The following NRG3 variants were observed in gnomAD, a reference collection of about 807,000 sequenced individuals.
NRG3 encodes the protein neuregulin 3, also known as pro-neuregulin-3, membrane-bound isoform.
NRG3 carries 31 observed loss-of-function variants against 66.9 expected under a neutral mutation model. The observed-to-expected ratio is 0.46, with a 90% confidence interval of 0.35 to 0.63. The LOEUF (loss-of-function observed/expected upper bound fraction) is 0.63, where lower values mean the gene tolerates loss of function less well. Among genes scored for constraint, NRG3 ranks in the 20% least tolerant of loss-of-function variants. NRG3 has a pLI of 0.00. For synonymous variants in NRG3, 393 were observed against 359.4 expected (o/e 1.09, Z -1.06); for missense variants, 910 against 878.9 (o/e 1.04, Z -0.45).
chr10:82,637,734 G>T (rs1022782634), intron 2 of NRG3, among the ~76,000 whole-genome samples: 1 of 152,146 alleles, frequency 6.6e-6, no homozygotes, highest in African/African-American at 2.4e-5. Flanking sequence ...TGACAGCTAA[G>T]TACAATGCTT....
chr10:82,052,075 C>A (rs11192312), intron 1 of NRG3, among the ~76,000 whole-genome samples: 36,314 of 149,158 alleles, frequency 0.24, 4,519 homozygotes, highest in Middle Eastern at 0.34. Context: ...CATTTTCTGG[C>A]AATGTATGAC....
intron 1 of NRG3, among the ~76,000 whole-genome samples, chr10:82,325,984 C>T (rs2081854075): frequency 6.6e-6 from 1 of 152,220 alleles, no homozygotes; most frequent in Admixed American, 6.5e-5. Context: ...ATTTCCCATG[C>T]TCTGTATTTC....
chr10:82,750,769 A>C (rs2134933504), intron 3 of NRG3, among the ~76,000 whole-genome samples: 1 of 152,286 alleles, frequency 6.6e-6, no homozygotes, highest in East Asian at 1.9e-4. Flanking sequence ...GCCTTTTGAT[A>C]TGGGCCAACC....
intron 1 of NRG3, among the ~76,000 whole-genome samples, chr10:82,249,064 A>G (rs907801381): frequency 1.3e-5 from 2 of 152,198 alleles, no homozygotes; most frequent in East Asian, 3.9e-4. Context: ...GTAATCCTCT[A>G]TGATCAAGCA....
intron 1 of NRG3, among the ~76,000 whole-genome samples, chr10:82,262,951 T>G (rs529170527): frequency 1.3e-5 from 2 of 152,122 alleles, no homozygotes; most frequent in African/African-American, 4.8e-5. Context: ...CAATTGAAAG[T>G]TTATAGTTGA....
chr10:81,949,698 C>T (rs1354907852), intron 1 of NRG3, among the ~76,000 whole-genome samples: 1 of 151,966 alleles, frequency 6.6e-6, no homozygotes, highest in African/African-American at 2.4e-5. Flanking sequence ...ACATTTAGAC[C>T]TTGAGAAATT....
At chr10:82,146,464 A>AGT (rs144229711) in intron 1 of NRG3, among the ~76,000 whole-genome samples, 6,711 of 152,166 alleles carry the variant, frequency 0.044, 327 homozygotes, top group East Asian at 0.15. Context: ...TCATTCAAGA[A>AGT]GTGTGGACTG....
At chr10:82,699,441 C>T (rs898667726) in intron 2 of NRG3, among the ~76,000 whole-genome samples, 1 of 152,054 alleles carries the variant, frequency 6.6e-6, no homozygotes, top group Non-Finnish European at 1.5e-5. Flanking sequence ...TAGCTACAGG[C>T]AAAGATCATC....
chr10:82,539,565 T>C (rs560000631), intron 2 of NRG3, among the ~76,000 whole-genome samples: 4 of 152,300 alleles, frequency 2.6e-5, no homozygotes, highest in African/African-American at 9.6e-5. Flanking sequence ...TCTGTAATTA[T>C]TATGATTTTT....
rs141779921 is a variant in NRG3 at position 82,257,852 on chromosome 10, A to G, written c.824-100887A>G. ...CATATTTTCTTGCACTTTGCCCTGA[A>G]AAGCATAGTATTAATATGGAATGAA... On this transcript the variant is annotated intron_variant, in intron 1 of 8. Coordinates refer to ENST00000372141, the MANE Select transcript of NRG3 (RefSeq NM_001010848.4). Among the ~76,000 whole-genome samples, 1,204 of 152,338 alleles carry G rather than the reference A, an allele frequency of 7.9e-3. 5 individuals carry two copies. The highest frequency in any genetic ancestry group is 0.016 in the Admixed American group (243 of 15,296).
At chr10:82,402,573 T>G (rs924129422) in intron 2 of NRG3, among the ~76,000 whole-genome samples, 1 of 152,202 alleles carries the variant, frequency 6.6e-6, no homozygotes, top group African/African-American at 2.4e-5. Context: ...GAGAATTTTT[T>G]TACTCATTTA....
At position 82,596,015 on chromosome 10, in the gene NRG3, A is replaced by C. The variant is rs191160776; in HGVS notation, c.954-142562A>C. Reference sequence around the variant, plus strand: ...GGCATAGAAGGAAATGAAATATTTAATAAATAAACCTATGAGTGAATTGAT... The same window carrying C: ...GGCATAGAAGGAAATGAAATATTTACTAAATAAACCTATGAGTGAATTGAT... On this transcript the variant is annotated intron_variant, in intron 2 of 8. Transcript: ENST00000372141. Among the ~76,000 whole-genome samples, 685 of 152,354 alleles carry C rather than the reference A, an allele frequency of 4.5e-3. 3 individuals are homozygous for C. The highest frequency in any genetic ancestry group is 0.02 in the Middle Eastern group (6 of 294).
At chr10:82,500,595 A>G (rs1844079322) in intron 2 of NRG3, among the ~76,000 whole-genome samples, 1 of 152,066 alleles carries the variant, frequency 6.6e-6, no homozygotes, top group East Asian at 1.9e-4. Context: ...GATCTGCTAA[A>G]ATCCTTTCAG....
chr10:82,012,367 A>G (rs1029460587), intron 1 of NRG3, among the ~76,000 whole-genome samples: 7 of 152,122 alleles, frequency 4.6e-5, no homozygotes, highest in African/African-American at 1.7e-4. Context: ...TTTTCTGCCT[A>G]GGGCTCTAGG....
chr10:82,468,222 A>G (rs777524067), intron 2 of NRG3, among the ~76,000 whole-genome samples: 1 of 152,222 alleles, frequency 6.6e-6, no homozygotes, highest in Non-Finnish European at 1.5e-5. Flanking sequence ...CCTCCACCAC[A>G]TCACGCTGGA....
intron 3 of NRG3, among the ~76,000 whole-genome samples, chr10:82,839,598 T>C (rs1281514333): frequency 6.6e-6 from 1 of 151,632 alleles, no homozygotes; most frequent in East Asian, 1.9e-4. Context: ...AGTAATATTA[T>C]TGCTTTCATT....
chr10:82,838,511 T>C (rs1246380466), intron 3 of NRG3, among the ~76,000 whole-genome samples: 2 of 152,166 alleles, frequency 1.3e-5, no homozygotes, highest in East Asian at 3.9e-4. Context: ...GATGACAGTC[T>C]CATGCTCAAC....
At chr10:82,135,127 A>C (rs1268546928) in intron 1 of NRG3, among the ~76,000 whole-genome samples, 2 of 151,980 alleles carry the variant, frequency 1.3e-5, no homozygotes, top group African/African-American at 4.8e-5. Context: ...CTCTCAAAAA[A>C]AAAAAAAAAA....
intron 4 of NRG3, among the ~76,000 whole-genome samples, chr10:82,902,486 G>A (rs1345355083): frequency 6.6e-6 from 1 of 151,940 alleles, no homozygotes; most frequent in Non-Finnish European, 1.5e-5. Flanking sequence ...GGGCCACGTG[G>A]TCTTAGCCAT....
Sources: gnomAD v4.1 joint callset for allele counts (sites outside exome capture counted in the v4.1 genomes callset) on GRCh38, gnomAD v4.1.1 for gene constraint, MANE v1.5 for transcripts, NCBI Gene and HGNC (gene_info 2026-07-23, HGNC 2026-07-21) for gene names.